GAD2: variants seen among roughly 807,000 people sequenced by gnomAD.
The protein encoded by GAD2 is 65 kDa glutamic acid decarboxylase.
In GAD2, 22 loss-of-function variants were observed where a neutral mutation model predicts 80.1. The ratio of observed to expected loss-of-function variants is 0.27; its 90% CI spans 0.20 to 0.39. The LOEUF is 0.39. GAD2 is among the 10% of genes least tolerant of loss of function. The pLI is 1.00. For missense variants in GAD2, 624 were observed against 738.4 expected (o/e 0.85, Z 1.80); for synonymous variants, 274 against 256.9 (o/e 1.07, Z -0.64).
rs1359604026 is a variant in GAD2 at position 26,303,468 on chromosome 10, G to A, written c.*2507G>A. The A allele has an allele frequency of 1.3e-4, 16 of 121,440 alleles. No individual in the cohort carries two copies. 7.5% of individuals were successfully genotyped at this position (121,440 alleles called of 1,614,324 possible). A position where few individuals can be genotyped will look rare whatever the true frequency, so the allele number is the denominator to read the frequency against. ...GAAGGGAGGGAGGGAGGGAGGGAGG[G>A]AAGGAGGGAGGGAGGAAGGAAATGA... is the stretch of plus-strand genomic sequence containing the variant. On this transcript the variant is annotated 3_prime_UTR_variant, in exon 16 of 16. Coordinates refer to ENST00000376261, the MANE Select transcript of GAD2 (RefSeq NM_001134366.2).
intron 8 of GAD2, among the ~76,000 whole-genome samples, chr10:26,260,067 T>C (rs1844991202): frequency 6.6e-6 from 1 of 152,170 alleles, no homozygotes; most frequent in Non-Finnish European, 1.5e-5. Flanking sequence ...AAAAGACATA[T>C]AAGTATTTAC....
chr10:26,268,737 G>A (rs759914276), intron 8 of GAD2, among the ~76,000 whole-genome samples: 18 of 152,092 alleles, frequency 1.2e-4, no homozygotes, highest in African/African-American at 4.3e-4. Context: ...ATTGCAGGTC[G>A]GTTTATTCAA....
intron 8 of GAD2, among the ~76,000 whole-genome samples, chr10:26,249,463 C>T (rs1380683881): frequency 6.6e-6 from 1 of 152,178 alleles, no homozygotes; most frequent in Non-Finnish European, 1.5e-5. Flanking sequence ...CTTTCTTAAT[C>T]TGTAGTTGAT....
intron 12 of GAD2, among the ~76,000 whole-genome samples, chr10:26,283,525 A>G (rs975581369): frequency 6.6e-6 from 1 of 152,234 alleles, no homozygotes; most frequent in Non-Finnish European, 1.5e-5. Flanking sequence ...CAAGAGAAAA[A>G]TGCCACACAA....
At chr10:26,277,196 A>T (rs2132309600) in intron 11 of GAD2, among the ~76,000 whole-genome samples, 1 of 152,302 alleles carries the variant, frequency 6.6e-6, no homozygotes, top group Non-Finnish European at 1.5e-5. Context: ...GGCTGAAGAG[A>T]CACACAAGTG....
At chr10:26,270,497 C>T (rs1263263011) in intron 9 of GAD2, 143 bp from the exon 10 acceptor site, 12 of 698,484 alleles carry the variant, frequency 1.7e-5, no homozygotes, top group Non-Finnish European at 3.1e-5. Flanking sequence ...TTGTCCCAGA[C>T]CCCGGGGTGT....
At chr10:26,244,629 A>C (rs1233662993) in intron 7 of GAD2, among the ~76,000 whole-genome samples, 2 of 152,352 alleles carry the variant, frequency 1.3e-5, no homozygotes, top group East Asian at 3.9e-4. Flanking sequence ...ACCAGTCACA[A>C]AAAGTCAAAT....
intron 8 of GAD2, among the ~76,000 whole-genome samples, chr10:26,252,044 G>A (rs948695081): frequency 2.6e-5 from 4 of 152,308 alleles, no homozygotes; most frequent in East Asian, 3.9e-4. Flanking sequence ...AGAACACCAC[G>A]TAAGGCTGAC....
At chr10:26,227,940 G>A (rs1006611530) in intron 6 of GAD2, among the ~76,000 whole-genome samples, 1 of 152,248 alleles carries the variant, frequency 6.6e-6, no homozygotes, top group African/African-American at 2.4e-5. Context: ...AGAGGCATGT[G>A]TCTGGGTGAT....
At chr10:26,276,067 G>A (rs1410773254) in intron 11 of GAD2, among the ~76,000 whole-genome samples, 2 of 152,120 alleles carry the variant, frequency 1.3e-5, no homozygotes, top group African/African-American at 4.8e-5. Context: ...GAGACTGAGT[G>A]AGGCAGGAGG....
At chr10:26,296,760 T>A (rs1056624800) in intron 15 of GAD2, among the ~76,000 whole-genome samples, 9 of 152,214 alleles carry the variant, frequency 5.9e-5, no homozygotes, top group Non-Finnish European at 1.0e-4. Context: ...TCAGCTTTTA[T>A]AGTCCTACAC....
chr10:26,288,412 G>A lies in GAD2; in HGVS notation c.1386+1918G>A, dbSNP rs908097470. ...TGTTGCCTGGTAATGGTGGGGTGAC[G>A]GGCCCCCTTCCTCTTTTGAAAATTG... On this transcript the variant is annotated intron_variant, in intron 13 of 15. Coordinates refer to ENST00000376261, the MANE Select transcript of GAD2 (RefSeq NM_001134366.2). 2.3e-4 allele frequency among the ~76,000 whole-genome samples: 35 copies of A among 152,098 alleles called. 1 individual carries two copies. The highest frequency in any genetic ancestry group is 8.0e-4 in the African/African-American group (33 of 41,402).
intron 11 of GAD2, among the ~76,000 whole-genome samples, chr10:26,279,693 GAA>G (rs1480089702): frequency 2.6e-5 from 4 of 152,140 alleles, no homozygotes; most frequent in Non-Finnish European, 4.4e-5. Context: ...TCAGACTTTT[GAA>G]ATAATGTAAA....
chr10:26,300,646 C>G (rs1253948028), intron 15 of GAD2, 142 bp from the exon 16 acceptor site: 1 of 706,446 alleles, frequency 1.4e-6, no homozygotes, highest in Non-Finnish European at 2.4e-6. Flanking sequence ...CCCAAGAAAA[C>G]TTGGAGGTAA....
At chr10:26,272,319 G>A (rs1361461925) in intron 10 of GAD2, among the ~76,000 whole-genome samples, 1 of 152,168 alleles carries the variant, frequency 6.6e-6, no homozygotes, top group Non-Finnish European at 1.5e-5. Context: ...GGCTGATTCA[G>A]GAAGAGGATT....
rs79436585 is a variant in GAD2, at chr10:26,254,803, G to C, written c.920+8803G>C. ...AATGGGAGATGATGAATAGCGGGCC[G>C]ACCAGATGCAGAGCAAGGGACAGGG... On this transcript the variant is annotated intron_variant, in intron 8 of 15. Transcript: ENST00000376261. Among the ~76,000 whole-genome samples the C allele has an allele frequency of 5.4e-4, 82 of 152,302 alleles. No homozygotes were observed. The East Asian group carries it at 0.015, about 27-fold the overall frequency.
intron 4 of GAD2, among the ~76,000 whole-genome samples, chr10:26,221,591 T>C (rs1354179640): frequency 6.6e-6 from 1 of 152,144 alleles, no homozygotes; most frequent in African/African-American, 2.4e-5. Flanking sequence ...AGTGTGAGTG[T>C]TGCCAGGACA....
chr10:26,283,381 G>A (rs147845568), intron 12 of GAD2, among the ~76,000 whole-genome samples: 3 of 152,338 alleles, frequency 2.0e-5, no homozygotes, highest in African/African-American at 7.2e-5. Flanking sequence ...GGAGACCATT[G>A]TAAGGCTGTG....
chr10:26,263,074 A>C (rs77160307), intron 8 of GAD2, among the ~76,000 whole-genome samples: 3 of 152,262 alleles, frequency 2.0e-5, no homozygotes, highest in South Asian at 4.1e-4. Context: ...CATCACTTGC[A>C]TTGTTGTATA....
Sources: gnomAD v4.1 joint callset for allele counts (sites outside exome capture counted in the v4.1 genomes callset) on GRCh38, gnomAD v4.1.1 for gene constraint, MANE v1.5 for transcripts, NCBI Gene and HGNC (gene_info 2026-07-23, HGNC 2026-07-21) for gene names.